ZNF804B: variants seen among roughly 807,000 people sequenced by gnomAD.
ZNF804B encodes the protein zinc finger protein 804B.
In ZNF804B, 80 loss-of-function variants were observed where a neutral mutation model predicts 101.4. The ratio of observed to expected loss-of-function variants is 0.79; its 90% CI spans 0.66 to 0.95. ZNF804B has a LOEUF of 0.95. ZNF804B is among the 40% of genes least tolerant of loss of function. ZNF804B has a pLI of 0.00. For missense variants in ZNF804B, 1,673 were observed against 1,561.9 expected (o/e 1.07, Z -1.20); for synonymous variants, 622 against 558.8 (o/e 1.11, Z -1.59).
chr7:89,257,856 T>C (rs1789657177), intron 2 of ZNF804B, among the ~76,000 whole-genome samples: 2 of 152,114 alleles, frequency 1.3e-5, no homozygotes, highest in Admixed American at 1.3e-4. Flanking sequence ...TGTGAGAACA[T>C]GTGACATTTG....
At chr7:88,862,315 C>G (rs536223367) in intron 1 of ZNF804B, among the ~76,000 whole-genome samples, 1 of 152,226 alleles carries the variant, frequency 6.6e-6, no homozygotes, top group Admixed American at 6.5e-5. Flanking sequence ...AAGATGAAAT[C>G]CTATAGCCCC....
At chr7:89,328,578 A>G (rs1396574182) in intron 3 of ZNF804B, among the ~76,000 whole-genome samples, 1 of 151,834 alleles carries the variant, frequency 6.6e-6, no homozygotes, top group Non-Finnish European at 1.5e-5. Flanking sequence ...GGGACTTACA[A>G]TATGTTGTGC....
chr7:89,285,546 A>AAAGAAG (rs774736524), intron 2 of ZNF804B, among the ~76,000 whole-genome samples: 24 of 93,448 alleles, frequency 2.6e-4, no homozygotes, highest in East Asian at 9.4e-4. Flanking sequence ...AAAAAAAAAA[A>AAAGAAG]AAGAAGAAGA....
Position 88,971,522 on chromosome 7 carries a change from C to A in ZNF804B, c.108+211438C>A, listed in dbSNP as rs1793537478. Among the ~76,000 whole-genome samples the A allele has an allele frequency of 2.6e-5, 4 of 151,658 alleles. No homozygotes were observed. In the South Asian group the frequency reaches 8.3e-4, roughly 31 times the overall value. Reference sequence around the variant, plus strand: ...GTGGAAGTCATACTTGTTCCATTCACCCTTCCAATTCTCCAAAATAATTAT... The same window carrying A: ...GTGGAAGTCATACTTGTTCCATTCAACCTTCCAATTCTCCAAAATAATTAT... On this transcript the variant is annotated intron_variant, in intron 1 of 3. Coordinates refer to ENST00000333190, the MANE Select transcript of ZNF804B (RefSeq NM_181646.5).
intron 1 of ZNF804B, among the ~76,000 whole-genome samples, chr7:88,823,946 A>G (rs1791019263): frequency 6.6e-6 from 1 of 152,158 alleles, no homozygotes; most frequent in Non-Finnish European, 1.5e-5. Context: ...ATGCTCAGAG[A>G]GAAAGGAAAA....
rs1562812908 is a variant in ZNF804B, at chr7:88,854,529, T to TCCTTCCCTC, written c.108+94451_108+94452insCTCCCTTCC. On this transcript the variant is annotated intron_variant, in intron 1 of 3. Coordinates refer to ENST00000333190, the MANE Select transcript of ZNF804B (RefSeq NM_181646.5). ...TTCCTTTCCTTTCCTTTCCTTCCTTTCCTTCCTTCCTTCCTTCCTTCCTTC... is the reference window on the plus strand; with the variant it reads ...TTCCTTTCCTTTCCTTTCCTTCCTTTCCTTCCCTCCCTTCCTTCCTTCCTTCCTTCCTTC... Among the ~76,000 whole-genome samples the TCCTTCCCTC allele has an allele frequency of 1.4e-4, 8 of 57,922 alleles. No individual in the cohort carries two copies. The East Asian group carries it at 6.1e-3, about 44-fold the overall frequency. The allele number at this position is 57,922 out of a possible 152,430, so 38.0% of individuals were successfully genotyped here. A position where few individuals can be genotyped will look rare whatever the true frequency, so the allele number is the denominator to read the frequency against.
At chr7:88,835,856 C>T (rs1017594111) in intron 1 of ZNF804B, among the ~76,000 whole-genome samples, 2 of 151,766 alleles carry the variant, frequency 1.3e-5, no homozygotes, top group African/African-American at 2.4e-5. Context: ...AATATTTGAG[C>T]TCATATAAGC....
rs192062717 is a variant in ZNF804B, at chr7:89,271,579, C to T, written c.249+53284C>T. Among the ~76,000 whole-genome samples, 1,190 of 152,128 alleles carry T rather than the reference C, an allele frequency of 7.8e-3. 21 individuals are homozygous for T. Among genetic ancestry groups the T allele is most frequent in the African/African-American group, 0.027 (1,131 of 41,500 alleles). On this transcript the variant is annotated intron_variant, in intron 2 of 3. Transcript: ENST00000333190. ...GCTTTGGTATGAGGATGATGCTGGC[C>T]TCATAAAATGAGTTAGGGAGGATTC... is the stretch of plus-strand genomic sequence containing the variant.
At chr7:88,975,911 C>T (rs1302859018) in intron 1 of ZNF804B, among the ~76,000 whole-genome samples, 3 of 151,542 alleles carry the variant, frequency 2.0e-5, no homozygotes, top group Admixed American at 6.6e-5. Context: ...AGTTTGGGAT[C>T]TCAGATTTAG....
chr7:88,870,114 C>T (rs1056655969), intron 1 of ZNF804B, among the ~76,000 whole-genome samples: 12 of 151,978 alleles, frequency 7.9e-5, no homozygotes, highest in Admixed American at 1.3e-4. Flanking sequence ...GGGCCGGGCG[C>T]GGTGGCTCAC....
chr7:88,816,407 C>G (rs966217214), intron 1 of ZNF804B, among the ~76,000 whole-genome samples: 4 of 152,136 alleles, frequency 2.6e-5, no homozygotes, highest in African/African-American at 9.7e-5. Context: ...TAAAGAGCTT[C>G]TGCACAGCAA....
chr7:89,068,177 T>C (rs1789483308), intron 1 of ZNF804B, among the ~76,000 whole-genome samples: 1 of 150,088 alleles, frequency 6.7e-6, no homozygotes, highest in Non-Finnish European at 1.5e-5. Context: ...ATAATTAGTG[T>C]TGTGAAGTTA....
intron 1 of ZNF804B, among the ~76,000 whole-genome samples, chr7:88,865,958 C>A (rs574830095): frequency 6.6e-6 from 1 of 152,194 alleles, no homozygotes; most frequent in Non-Finnish European, 1.5e-5. Flanking sequence ...ATGTTTTATA[C>A]ATCCTTCCAA....
At chr7:89,255,936 C>T (rs1047940649) in intron 2 of ZNF804B, among the ~76,000 whole-genome samples, 4 of 151,788 alleles carry the variant, frequency 2.6e-5, no homozygotes, top group African/African-American at 9.7e-5. Flanking sequence ...TTTTTTAATG[C>T]TTAAGCTTAA....
At chr7:89,112,206 A>G (rs1203804481) in intron 1 of ZNF804B, among the ~76,000 whole-genome samples, 1 of 152,140 alleles carries the variant, frequency 6.6e-6, no homozygotes, top group Non-Finnish European at 1.5e-5. Flanking sequence ...TGAAGATCAC[A>G]TAGATTTTCT....
chr7:89,228,914 C>T (rs903348677), intron 2 of ZNF804B, among the ~76,000 whole-genome samples: 41 of 152,290 alleles, frequency 2.7e-4, no homozygotes, highest in African/African-American at 8.2e-4. Context: ...AGCCCTGCCC[C>T]GCGGGAAGGC....
chr7:88,779,945 C>T (rs777164736), intron 1 of ZNF804B, among the ~76,000 whole-genome samples: 22 of 152,210 alleles, frequency 1.4e-4, no homozygotes, highest in Non-Finnish European at 3.1e-4. Flanking sequence ...AAAAACTGTC[C>T]AACTGGTCAT....
intron 1 of ZNF804B, among the ~76,000 whole-genome samples, chr7:88,810,538 T>C (rs1009399860): frequency 4.0e-5 from 6 of 151,728 alleles, no homozygotes; most frequent in African/African-American, 1.2e-4. Context: ...GCTGCACACC[T>C]GTAGTCCCAG....
chr7:89,081,551 C>G (rs574194029), intron 1 of ZNF804B, among the ~76,000 whole-genome samples: 2 of 151,796 alleles, frequency 1.3e-5, no homozygotes, highest in African/African-American at 4.8e-5. Flanking sequence ...AACTCAATCA[C>G]TTATGGAAGA....
Sources: gnomAD v4.1 joint callset for allele counts (sites outside exome capture counted in the v4.1 genomes callset) on GRCh38, gnomAD v4.1.1 for gene constraint, MANE v1.5 for transcripts, NCBI Gene and HGNC (gene_info 2026-07-23, HGNC 2026-07-21) for gene names.